Variants in MEGF10 observed in about 807,000 individuals in gnomAD.
The protein encoded by MEGF10 is multiple EGF like domains 10.
In MEGF10, 86 loss-of-function variants were observed where a neutral mutation model predicts 147.5. The ratio of observed to expected loss-of-function variants is 0.58; its 90% CI spans 0.49 to 0.70. The LOEUF is 0.70. Ranked by LOEUF, MEGF10 falls within the 30% of genes least tolerant of loss-of-function variation. The pLI, the probability that MEGF10 is intolerant of heterozygous loss-of-function variation, is 0.00. For missense variants in MEGF10, 1,329 were observed against 1,487.3 expected (o/e 0.89, Z 1.75); for synonymous variants, 478 against 525.5 (o/e 0.91, Z 1.24).
At chr5:127,396,134 T>C (rs574963724) in intron 5 of MEGF10, among the ~76,000 whole-genome samples, 4 of 152,184 alleles carry the variant, frequency 2.6e-5, no homozygotes, top group African/African-American at 9.6e-5. Context: ...AACCCCTTAA[T>C]ATGCTAAAAA....
At position 127,443,089 on chromosome 5, in the gene MEGF10, C is replaced by A; in HGVS notation, c.2454C>A (p.Tyr818Ter). 6.2e-7 allele frequency: 1 copy of A among 1,613,748 alleles called. No homozygotes were observed. Among genetic ancestry groups the A allele is most frequent in the Non-Finnish European group, 8.5e-7 (1 of 1,179,710 alleles). ...GCGACCACATCACTGGGACCTGTTA[C>A]TGCAGCCCCGGATGGAAGGGAGCGA... ...STCDHITGTC[Y>*]CSPGWKGARC... Residue 818 changes from tyrosine (Y) to a stop codon, truncating the protein, a stop_gained, in exon 19 of 25, where the codon TAC (tyrosine) becomes TAA (stop). Transcript: ENST00000503335. LOFTEE classifies it high-confidence loss of function.
intron 5 of MEGF10, among the ~76,000 whole-genome samples, chr5:127,389,607 C>A (rs1239943941): frequency 1.3e-5 from 2 of 152,160 alleles, no homozygotes; most frequent in Non-Finnish European, 2.9e-5. Flanking sequence ...AGAATGAGAT[C>A]ATGTTCTTTG....
chr5:127,298,411 G>T (rs769161546), intron 1 of MEGF10, among the ~76,000 whole-genome samples: 1 of 152,170 alleles, frequency 6.6e-6, no homozygotes, highest in Non-Finnish European at 1.5e-5. Context: ...CCTGCTTTCA[G>T]CTGGTTCCTT....
chr5:127,447,250 A>T (rs1765967955), intron 20 of MEGF10, among the ~76,000 whole-genome samples: 1 of 152,120 alleles, frequency 6.6e-6, no homozygotes, highest in Non-Finnish European at 1.5e-5. Flanking sequence ...ATCTCGGCTC[A>T]CTGTAACCTC....
intron 5 of MEGF10, among the ~76,000 whole-genome samples, chr5:127,392,911 A>G (rs1763756586): frequency 6.6e-6 from 1 of 152,198 alleles, no homozygotes; most frequent in South Asian, 2.1e-4. Context: ...CCATTCCATG[A>G]AATATCTGCA....
chr5:127,388,794 C>G (rs896757581), intron 5 of MEGF10, among the ~76,000 whole-genome samples: 23 of 152,174 alleles, frequency 1.5e-4, no homozygotes, highest in African/African-American at 5.6e-4. Flanking sequence ...ATCCACCCGC[C>G]TCAGCCTCCC....
At chr5:127,278,494 T>C in the MEGF10 span, among the ~76,000 whole-genome samples, 1 of 152,170 alleles carries the variant, frequency 6.6e-6, no homozygotes, top group Non-Finnish European at 1.5e-5. Flanking sequence ...ACAGAGTTCT[T>C]TTTTTAAGTG....
At chr5:127,255,846 T>C in the MEGF10 span, among the ~76,000 whole-genome samples, 1 of 152,174 alleles carries the variant, frequency 6.6e-6, no homozygotes, top group African/African-American at 2.4e-5. Context: ...TTTTTTGATG[T>C]TGGAGCTCCC....
At chr5:127,267,096 A>G in the MEGF10 span, among the ~76,000 whole-genome samples, 2 of 152,246 alleles carry the variant, frequency 1.3e-5, no homozygotes, top group Non-Finnish European at 2.9e-5. Context: ...GATACAGCCC[A>G]TCAATACCTA....
intron 5 of MEGF10, among the ~76,000 whole-genome samples, chr5:127,395,072 C>CT (rs368256613): frequency 3.3e-5 from 5 of 152,078 alleles, no homozygotes; most frequent in African/African-American, 1.2e-4. Flanking sequence ...TGAAATGAAA[C>CT]TTTTTTTTAA....
chr5:127,281,127 G>A, the MEGF10 span, among the ~76,000 whole-genome samples: 1 of 152,184 alleles, frequency 6.6e-6, no homozygotes, highest in South Asian at 2.1e-4. Flanking sequence ...GGCTTTCCCA[G>A]ACCAGTTCCG....
intron 19 of MEGF10, 101 bp downstream of exon 19, chr5:127,443,227 C>T: frequency 4.0e-6 from 5 of 1,250,646 alleles, no homozygotes; most frequent in Non-Finnish European, 5.3e-6. Context: ...GCAGAATCTT[C>T]ACCACAACTC....
intron 4 of MEGF10, among the ~76,000 whole-genome samples, chr5:127,355,996 A>C (rs1762266809): frequency 2.0e-5 from 3 of 152,244 alleles, no homozygotes; most frequent in African/African-American, 7.2e-5. Context: ...TTACAGGCCT[A>C]ATAATTTATG....
In MEGF10 at chr5:127,445,701, C is replaced by T; in HGVS notation, c.2728+8C>T. ...CAGATTATACCATTTCAGGTAAGAG[C>T]AGAGGCAGGAGAGGCATTTTGCTTC... On this transcript the variant is annotated splice_region_variant and intron_variant, in intron 20 of 24. Coordinates refer to ENST00000503335, the MANE Select transcript of MEGF10 (RefSeq NM_001256545.2). 6.2e-7 allele frequency: 1 copy of T among 1,602,048 alleles called. No individual in the cohort carries two copies.
chr5:127,233,525 A>G, the MEGF10 span, among the ~76,000 whole-genome samples: 1 of 152,234 alleles, frequency 6.6e-6, no homozygotes, highest in Non-Finnish European at 1.5e-5. Flanking sequence ...TAGGAGACGA[A>G]AACACTGGCA....
At chr5:127,413,168 TA>T (rs1232834379) in intron 9 of MEGF10, among the ~76,000 whole-genome samples, 3 of 152,208 alleles carry the variant, frequency 2.0e-5, no homozygotes, top group Non-Finnish European at 4.4e-5. Context: ...TGAATTTAAA[TA>T]TATTTATAAG....
At chr5:127,388,875 T>G (rs1339367178) in intron 5 of MEGF10, among the ~76,000 whole-genome samples, 1 of 152,198 alleles carries the variant, frequency 6.6e-6, no homozygotes, top group African/African-American at 2.4e-5. Context: ...AAATGTCTTA[T>G]GTTCTCACTA....
chr5:127,347,397 CAT>C (rs1429176419), intron 4 of MEGF10, among the ~76,000 whole-genome samples: 5 of 152,062 alleles, frequency 3.3e-5, no homozygotes, highest in African/African-American at 1.2e-4. Flanking sequence ...TTCATTAACA[CAT>C]ATCAGTTTTT....
chr5:127,356,533 C>T (rs1445607640), intron 4 of MEGF10, among the ~76,000 whole-genome samples: 1 of 152,052 alleles, frequency 6.6e-6, no homozygotes, highest in African/African-American at 2.4e-5. Context: ...GTTGGAAGGG[C>T]AAAAGTGGTT....
Sources: gnomAD v4.1 joint callset for allele counts (sites outside exome capture counted in the v4.1 genomes callset) on GRCh38, gnomAD v4.1.1 for gene constraint, MANE v1.5 for transcripts, NCBI Gene and HGNC (gene_info 2026-07-23, HGNC 2026-07-21) for gene names.